Variants in CACNB4 observed in about 807,000 individuals in gnomAD.
CACNB4 encodes the protein voltage-dependent L-type calcium channel subunit beta-4.
In CACNB4, 32 loss-of-function variants were observed where a neutral mutation model predicts 71.2. The ratio of observed to expected loss-of-function variants is 0.45; its 90% confidence interval spans 0.34 to 0.60. The LOEUF is 0.60. CACNB4 is among the 20% of genes least tolerant of loss of function. The pLI is 0.01. For missense variants in CACNB4, 464 were observed against 647.9 expected, an observed-to-expected ratio of 0.72 and a Z score of 3.08; for synonymous variants, 231 against 236.9, an observed-to-expected ratio of 0.97 and a Z score of 0.23.
At position 152,048,006 on chromosome 2, in the gene CACNB4, G is replaced by A. The variant is rs550931710; in HGVS notation, c.147+50324C>T. On this transcript the variant is annotated intron_variant, in intron 2 of 13. Coordinates refer to ENST00000539935, the MANE Select transcript of CACNB4 (RefSeq NM_000726.5). ...CTCTGTTTGGCACCCTGCCACAAAC[G>A]CCTAACTTTCTCTCCCTGCAAATCC... Among the ~76,000 whole-genome samples, 133 of 152,314 alleles carry A rather than the reference G, an allele frequency of 8.7e-4. 1 individual carries two copies. Among genetic ancestry groups the A allele is most frequent in the African/African-American group, 2.7e-3 (113 of 41,574 alleles).
At chr2:151,853,351 C>T (rs772047271) in intron 12 of CACNB4, 97 bp downstream of exon 12, 190 of 681,572 alleles carry the variant, frequency 2.8e-4, no homozygotes, top group Non-Finnish European at 4.4e-4. Flanking sequence ...ACCATCATCA[C>T]CATCATTTTA....
Position 151,993,815 on chromosome 2 carries a change from G to A in CACNB4, c.147+104515C>T, listed in dbSNP as rs374010138. Among the ~76,000 whole-genome samples, 12 of 151,184 alleles carry A rather than the reference G, an allele frequency of 7.9e-5. No homozygotes were observed. In the East Asian group the frequency reaches 1.2e-3, roughly 15 times the overall value. On this transcript the variant is annotated intron_variant, in intron 2 of 13. Coordinates refer to ENST00000539935, the MANE Select transcript of CACNB4 (RefSeq NM_000726.5). ...CCTGACCTTGTGATCCGCCCACCTC[G>A]GCCTCCCAAAGTGCTGGGATTACAG...
At chr2:151,875,581 C>T (rs1578575859) in intron 5 of CACNB4, among the ~76,000 whole-genome samples, 1 of 148,518 alleles carries the variant, frequency 6.7e-6, no homozygotes, top group African/African-American at 2.5e-5. Context: ...CGGGCAGAGG[C>T]GCCCCTCACC....
chr2:151,937,138 T>G (rs2099863116), intron 2 of CACNB4, among the ~76,000 whole-genome samples: 1 of 152,234 alleles, frequency 6.6e-6, no homozygotes, highest in African/African-American at 2.4e-5. Flanking sequence ...TGTTTTCTCA[T>G]CGGAAACCAC....
intron 10 of CACNB4, chr2:151,858,698 C>T (rs1215843194): frequency 6.6e-6 from 1 of 152,200 alleles, no homozygotes. Flanking sequence ...CAATCTTTTT[C>T]AATCTCTTCT....
intron 2 of CACNB4, among the ~76,000 whole-genome samples, chr2:151,901,100 C>A (rs1489324943): frequency 6.6e-6 from 1 of 150,892 alleles, no homozygotes; most frequent in Non-Finnish European, 1.5e-5. Flanking sequence ...CTCAAGCAAT[C>A]CTCTCACTTC....
chr2:151,994,238 CT>C (rs1239472281), intron 2 of CACNB4, among the ~76,000 whole-genome samples: 10 of 150,826 alleles, frequency 6.6e-5, no homozygotes, highest in Admixed American at 5.9e-4. Context: ...GGTCCCTTTT[CT>C]TTTTTTTTCA....
chr2:152,052,292 T>G (rs6711790), intron 2 of CACNB4, among the ~76,000 whole-genome samples: 2 of 152,178 alleles, frequency 1.3e-5, no homozygotes, highest in Non-Finnish European at 2.9e-5. Context: ...AAAATCAGAT[T>G]ATTCACATTA....
chr2:151,839,414 G>A (rs1383769736), intron 13 of CACNB4, 35 bp from the exon 14 acceptor site: 4 of 1,533,408 alleles, frequency 2.6e-6, no homozygotes, highest in Non-Finnish European at 2.7e-6. Flanking sequence ...ATTAAATAAT[G>A]TCAGCTTCAT....
intron 2 of CACNB4, among the ~76,000 whole-genome samples, chr2:151,978,039 A>C (rs1378353480): frequency 6.6e-6 from 1 of 152,258 alleles, no homozygotes; most frequent in East Asian, 1.9e-4. Context: ...GCAAGAATGA[A>C]TATCATAACC....
chr2:152,059,515 G>C (rs888252320), intron 2 of CACNB4, among the ~76,000 whole-genome samples: 14 of 152,250 alleles, frequency 9.2e-5, no homozygotes, highest in African/African-American at 3.4e-4. Context: ...CATGGGGCTT[G>C]TAGCCCCTGT....
chr2:151,996,410 G>A (rs918043613), intron 2 of CACNB4, among the ~76,000 whole-genome samples: 13 of 151,520 alleles, frequency 8.6e-5, no homozygotes, highest in African/African-American at 2.9e-4. Context: ...AGAACTCATC[G>A]GGGCTGCAGT....
chr2:151,881,497 C>A (rs775924079), intron 3 of CACNB4, among the ~76,000 whole-genome samples: 2 of 152,216 alleles, frequency 1.3e-5, no homozygotes, highest in Non-Finnish European at 2.9e-5. Context: ...TTTTGAAACT[C>A]TTTTTACACA....
chr2:152,005,534 G>C (rs1409896414), intron 2 of CACNB4, among the ~76,000 whole-genome samples: 1 of 152,142 alleles, frequency 6.6e-6, no homozygotes, highest in African/African-American at 2.4e-5. Context: ...AGGGAGTGAG[G>C]GGGGCGGAAA....
At chr2:152,022,290 A>G (rs1235741470) in intron 2 of CACNB4, among the ~76,000 whole-genome samples, 1 of 152,244 alleles carries the variant, frequency 6.6e-6, no homozygotes, top group African/African-American at 2.4e-5. Context: ...TGAAGGACAG[A>G]GATGAATCAT....
rs180847984 is a variant in CACNB4 at position 151,964,475 on chromosome 2, T to C, written c.148-81105A>G. Among the ~76,000 whole-genome samples, 241 of 152,344 alleles carry C rather than the reference T, an allele frequency of 1.6e-3. 1 individual carries two copies. The highest frequency in any genetic ancestry group is 4.6e-4 in the Non-Finnish European group (31 of 68,034). The stretch of plus-strand genomic sequence containing the variant: ...AGGAAGACTTATTTTTTACAGTCTA[T>C]GGTTTTGTATTGTTTAAAGATTTTT... On this transcript the variant is annotated intron_variant, in intron 2 of 13. Coordinates refer to ENST00000539935, the MANE Select transcript of CACNB4 (RefSeq NM_000726.5).
intron 2 of CACNB4, among the ~76,000 whole-genome samples, chr2:151,893,250 C>A (rs1252683202): frequency 1.3e-5 from 2 of 151,076 alleles, no homozygotes; most frequent in African/African-American, 4.9e-5. Flanking sequence ...TATTTTATAT[C>A]TTTTTTTTTG....
At chr2:151,983,327 G>T (rs541677146) in intron 2 of CACNB4, among the ~76,000 whole-genome samples, 2 of 152,266 alleles carry the variant, frequency 1.3e-5, no homozygotes, top group East Asian at 3.9e-4. Flanking sequence ...TTGGATTTTT[G>T]ATATAATTTC....
chr2:151,982,743 T>C (rs1022348659), intron 2 of CACNB4, among the ~76,000 whole-genome samples: 1 of 151,928 alleles, frequency 6.6e-6, no homozygotes, highest in East Asian at 1.9e-4. Context: ...GGAAGAAAAG[T>C]TAATAGGATA....
Sources: allele counts gnomAD v4.1 joint callset (sites outside exome capture counted in the v4.1 genomes callset), GRCh38; gene constraint gnomAD v4.1.1; transcripts MANE v1.5; gene names NCBI Gene and HGNC (gene_info 2026-07-23, HGNC 2026-07-21).